FRMD4B: variants seen among roughly 807,000 people sequenced by gnomAD.
FRMD4B encodes the protein FERM domain-containing protein 4B.
In FRMD4B, 74 loss-of-function variants were observed where a neutral mutation model predicts 141.5. That is an observed-to-expected ratio of 0.52 (90% CI 0.43 to 0.63). The LOEUF is 0.63. Among genes scored for constraint, FRMD4B ranks in the 30% least tolerant of loss-of-function variants. The pLI is 0.00. For synonymous variants in FRMD4B, 506 were observed against 467.9 expected (o/e 1.08, Z -1.05); for missense variants, 1,366 against 1,253.4 (o/e 1.09, Z -1.36).
intron 22 of FRMD4B, 68 bp downstream of exon 22, chr3:69,176,455 TA>T: frequency 7.4e-7 from 1 of 1,348,822 alleles, no homozygotes. Context: ...CTGACGTTTG[TA>T]AATTAGGATC....
rs1356658284 is a variant in FRMD4B at position 69,385,932 on chromosome 3, C to T, written c.58G>A (p.Val20Ile). The change falls in exon 1 of 23, where the codon GTA (valine) becomes ATA (isoleucine). Residue 20 changes from valine to isoleucine, a missense_variant. Val to Ile is a conservative substitution (Grantham distance 29). Transcript: ENST00000398540. ...EDLLFSGSRFVWNLTVSTLRR... is the reference protein window; with the variant it reads ...EDLLFSGSRFIWNLTVSTLRR... The stretch of plus-strand genomic sequence containing the variant: ...AGCGTGGACACGGTCAAGTTCCATA[C>T]GAAGCGGCTGCCGCTGAACAGCAGG... 3.1e-6 allele frequency: 5 copies of T among 1,604,760 alleles called. No individual in the cohort carries two copies. In the East Asian group the frequency reaches 6.7e-5, roughly 22 times the overall value.
intron 8 of FRMD4B, among the ~76,000 whole-genome samples, chr3:69,222,979 A>G (rs978846209): frequency 5.9e-5 from 9 of 152,238 alleles, no homozygotes; most frequent in African/African-American, 2.2e-4. Flanking sequence ...TAGGCATTAA[A>G]GACTTTCTCA....
At chr3:69,537,709 G>T (rs1701109546) in intron 1 of FRMD4B, among the ~76,000 whole-genome samples, 1 of 152,110 alleles carries the variant, frequency 6.6e-6, no homozygotes, top group African/African-American at 2.4e-5. Flanking sequence ...GACAGCTAAG[G>T]TTTTCCTTAT....
intron 2 of FRMD4B, among the ~76,000 whole-genome samples, chr3:69,428,957 T>G (rs926234444): frequency 2.6e-5 from 4 of 152,224 alleles, no homozygotes; most frequent in Non-Finnish European, 4.4e-5. Flanking sequence ...TTCATCCTTT[T>G]GCGACTGGCT....
rs117296779 is a variant in FRMD4B, at chr3:69,441,857, T to A, written c.-128-9096A>T. On this transcript the variant is annotated intron_variant, in intron 1 of 5. Transcript: ENST00000459638. Reference sequence around the variant, plus strand: ...AGACATTTCTAGTCTCTTGAACAAATAGTTTAACTGCAGAAATACTTACAA... The same window carrying A: ...AGACATTTCTAGTCTCTTGAACAAAAAGTTTAACTGCAGAAATACTTACAA... 2.6e-4 allele frequency among the ~76,000 whole-genome samples: 39 copies of A among 152,294 alleles called. 1 individual carries two copies. The East Asian group carries it at 7.3e-3, about 29-fold the overall frequency.
chr3:69,334,991 T>C (rs1363918259), intron 1 of FRMD4B, among the ~76,000 whole-genome samples: 1 of 152,084 alleles, frequency 6.6e-6, no homozygotes, highest in Admixed American at 6.6e-5. Flanking sequence ...AGTTGTTACT[T>C]TAGACAGAGC....
upstream of FRMD4B, among the ~76,000 whole-genome samples, chr3:69,388,876 C>T (rs1704323617): frequency 6.6e-6 from 1 of 151,994 alleles, no homozygotes. Flanking sequence ...AGTATAAGTG[C>T]AGTGTTGTTA....
intron 1 of FRMD4B, among the ~76,000 whole-genome samples, chr3:69,345,822 C>G (rs1328633478): frequency 6.6e-6 from 1 of 152,126 alleles, no homozygotes; most frequent in Non-Finnish European, 1.5e-5. Flanking sequence ...CACACCAAAA[C>G]CCCATCTGTA....
At chr3:69,462,280 A>G (rs2315489) in intron 1 of FRMD4B, among the ~76,000 whole-genome samples, 98,114 of 152,016 alleles carry the variant, frequency 0.65, 31,904 homozygotes, top group East Asian at 0.7. Flanking sequence ...TGGAGGGGCT[A>G]GGAGGCCGCA....
rs1575572959 is a variant in FRMD4B at position 69,169,353 on chromosome 3, C to T, written c.*2508G>A. ...AGGATTGCTGAACTTCCATTTCTTTCTTTTTTTTTTTTTTTTTTTTTTCTT... is the reference window on the plus strand; with the variant it reads ...AGGATTGCTGAACTTCCATTTCTTTTTTTTTTTTTTTTTTTTTTTTTTCTT... On this transcript the variant is annotated 3_prime_UTR_variant, in exon 23 of 23. Coordinates refer to ENST00000398540, the MANE Select transcript of FRMD4B (RefSeq NM_015123.3). Among the ~76,000 whole-genome samples the T allele has an allele frequency of 4.8e-4, 14 of 29,234 alleles. No individual in the cohort carries two copies. The highest frequency in any genetic ancestry group is 1.2e-3 in the Admixed American group (2 of 1,664). The allele number at this position is 29,234 out of a possible 152,430, so 19.2% of individuals were successfully genotyped here.
chr3:69,353,754 A>G, intron 1 of FRMD4B: 1 of 965,424 alleles, frequency 1.0e-6, no homozygotes, highest in Non-Finnish European at 1.2e-6. Context: ...TCTCAAGGAA[A>G]TGACCATACT....
intron 1 of FRMD4B, among the ~76,000 whole-genome samples, chr3:69,325,887 C>G (rs554441034): frequency 6.6e-6 from 1 of 152,146 alleles, no homozygotes. Context: ...CTATTGAGTA[C>G]TATCCTGTTC....
intron 4 of FRMD4B, among the ~76,000 whole-genome samples, chr3:69,293,255 T>A (rs1700929996): frequency 6.6e-6 from 1 of 151,846 alleles, no homozygotes. Flanking sequence ...GTGGCCAATA[T>A]TTTCGTCTTG....
chr3:69,536,906 C>T (rs867778469), intron 1 of FRMD4B, among the ~76,000 whole-genome samples: 1 of 151,994 alleles, frequency 6.6e-6, no homozygotes, highest in South Asian at 2.1e-4. Context: ...GCCACCACAC[C>T]CAGGTAATTT....
intron 7 of FRMD4B, among the ~76,000 whole-genome samples, chr3:69,233,408 C>T (rs1251552415): frequency 2.7e-5 from 4 of 150,030 alleles, no homozygotes; most frequent in South Asian, 2.1e-4. Flanking sequence ...CACCTGAGGC[C>T]GGGAGTTCGA....
chr3:69,287,423 T>G (rs916103962), intron 5 of FRMD4B, among the ~76,000 whole-genome samples: 3 of 152,150 alleles, frequency 2.0e-5, no homozygotes, highest in African/African-American at 7.2e-5. Flanking sequence ...TTTAAAAAGA[T>G]TTCTGGCCTA....
intron 1 of FRMD4B, among the ~76,000 whole-genome samples, chr3:69,512,777 A>G (rs1211090341): frequency 6.6e-6 from 1 of 152,204 alleles, no homozygotes; most frequent in Non-Finnish European, 1.5e-5. Context: ...AACTTGGAGG[A>G]ATGTTCCATC....
At position 69,465,181 on chromosome 3, in the gene FRMD4B, G is replaced by A. The variant is rs575812855; in HGVS notation, c.-128-32420C>T. On this transcript the variant is annotated intron_variant, in intron 1 of 5. Coordinates refer to the FRMD4B transcript ENST00000459638. ...TAAAAATGCAAAAAATTAGCCTGGC[G>A]CCGTGGCAGGCACCTGTAGTCCCAG... is the stretch of plus-strand genomic sequence containing the variant. Among the ~76,000 whole-genome samples, 110 of 152,130 alleles carry A rather than the reference G, an allele frequency of 7.2e-4. 1 individual carries two copies. Among genetic ancestry groups the A allele is most frequent in the African/African-American group, 8.7e-4 (36 of 41,504 alleles).
chr3:69,331,092 A>G (rs1339220826), intron 1 of FRMD4B, among the ~76,000 whole-genome samples: 3 of 152,140 alleles, frequency 2.0e-5, no homozygotes, highest in Non-Finnish European at 2.9e-5. Flanking sequence ...AGGGAACCAA[A>G]TATTTTCCCC....
Sources: allele counts gnomAD v4.1 joint callset (sites outside exome capture counted in the v4.1 genomes callset), GRCh38; gene constraint gnomAD v4.1.1; transcripts MANE v1.5; gene names NCBI Gene and HGNC (gene_info 2026-07-23, HGNC 2026-07-21).